Variants in ISM1 observed in about 807,000 individuals in gnomAD.
The protein encoded by ISM1 is isthmin-1.
ISM1 carries 25 observed loss-of-function variants against 46.3 expected under a neutral mutation model. The ratio of observed to expected loss-of-function variants is 0.54; its 90% confidence interval spans 0.39 to 0.75. ISM1 has a LOEUF of 0.75. Ranked by LOEUF, ISM1 falls within the 30% of genes least tolerant of loss-of-function variation. ISM1 has a pLI of 0.00. For synonymous variants in ISM1, 255 were observed against 256.7 expected (o/e 0.99, Z 0.06); for missense variants, 536 against 625.4 (o/e 0.86, Z 1.52).
chr20:13,233,613 AAGG>A (rs911937184), intron 1 of ISM1, among the ~76,000 whole-genome samples: 1 of 151,676 alleles, frequency 6.6e-6, no homozygotes, highest in Non-Finnish European at 1.5e-5. Flanking sequence ...AAAAAAAAAA[AAGG>A]AGATCCCATT....
intron 5 of ISM1, among the ~76,000 whole-genome samples, chr20:13,297,038 C>CA (rs141217767): frequency 9.3e-5 from 14 of 150,114 alleles, no homozygotes; most frequent in Middle Eastern, 3.4e-3. Context: ...CACCCCCCGC[C>CA]AAAAAAAAAG....
At chr20:13,264,087 A>G (rs1461532915) in intron 1 of ISM1, among the ~76,000 whole-genome samples, 1 of 152,208 alleles carries the variant, frequency 6.6e-6, no homozygotes, top group African/African-American at 2.4e-5. Flanking sequence ...TTTAGCCATC[A>G]TTATCATCAA....
intron 4 of ISM1, 21 bp downstream of exon 4, chr20:13,288,704 A>C (rs751882225): frequency 6.3e-7 from 1 of 1,598,224 alleles, no homozygotes; most frequent in South Asian, 1.1e-5. Flanking sequence ...CTGAGTGTGT[A>C]GCTCCAAGTT....
At chr20:13,307,577 G>GC in the ISM1 span, among the ~76,000 whole-genome samples, 1 of 152,054 alleles carries the variant, frequency 6.6e-6, no homozygotes, top group South Asian at 2.1e-4. Context: ...GCACTCCCAT[G>GC]CCCCCGTCCA....
chr20:13,288,467 A>G (rs948290517), intron 3 of ISM1, 73 bp from the exon 4 acceptor site: 7 of 1,494,172 alleles, frequency 4.7e-6, no homozygotes, highest in African/African-American at 2.8e-5. Context: ...TGAATAATTG[A>G]CAGGCTGCTT....
At chr20:13,297,206 C>T (rs2123333485) in intron 5 of ISM1, among the ~76,000 whole-genome samples, 1 of 152,204 alleles carries the variant, frequency 6.6e-6, no homozygotes, top group South Asian at 2.1e-4. Context: ...AGCTGTTTTC[C>T]AGAATGCAGA....
intron 1 of ISM1, among the ~76,000 whole-genome samples, chr20:13,240,981 G>A (rs1453380141): frequency 6.6e-6 from 1 of 152,196 alleles, no homozygotes; most frequent in Non-Finnish European, 1.5e-5. Flanking sequence ...AAGTGGACAG[G>A]GAGCTGAGAG....
At chr20:13,268,221 T>C (rs1310017632) in intron 1 of ISM1, among the ~76,000 whole-genome samples, 2 of 150,458 alleles carry the variant, frequency 1.3e-5, no homozygotes, top group South Asian at 2.1e-4. Context: ...GCTCCTTCTC[T>C]TTCTCTCTTC....
chr20:13,320,598 T>A, the ISM1 span, among the ~76,000 whole-genome samples: 4 of 152,132 alleles, frequency 2.6e-5, no homozygotes, highest in Admixed American at 1.3e-4. Context: ...AAAAACAAAG[T>A]AACCATGGCT....
intron 1 of ISM1, among the ~76,000 whole-genome samples, chr20:13,257,022 A>T (rs1168050432): frequency 6.6e-6 from 1 of 152,216 alleles, no homozygotes; most frequent in Non-Finnish European, 1.5e-5. Context: ...GAAAAGTCTA[A>T]TGAGAGAAGA....
At chr20:13,227,475 T>C (rs1292026530) in intron 1 of ISM1, among the ~76,000 whole-genome samples, 1 of 149,510 alleles carries the variant, frequency 6.7e-6, no homozygotes, top group African/African-American at 2.5e-5. Context: ...AGTGCTGGGA[T>C]TACAGGTGTG....
intron 1 of ISM1, among the ~76,000 whole-genome samples, chr20:13,255,412 G>A (rs1039936703): frequency 1.3e-5 from 2 of 151,960 alleles, no homozygotes; most frequent in East Asian, 3.8e-4. Context: ...CCAGAAACTG[G>A]ACAAAAATAA....
intron 2 of ISM1, among the ~76,000 whole-genome samples, chr20:13,273,220 A>ATTTTAT (rs2040136171): frequency 6.9e-6 from 1 of 145,200 alleles, no homozygotes. Context: ...GGTCTTTTTT[A>ATTTTAT]TTTTATTTTA....
intron 1 of ISM1, among the ~76,000 whole-genome samples, chr20:13,228,352 TATTA>T (rs200528808): frequency 0.025 from 3,791 of 152,296 alleles, 139 homozygotes; most frequent in African/African-American, 0.082. Flanking sequence ...AGAGAGAATT[TATTA>T]ATTATAAACT....
At chr20:13,298,071 T>G (rs976913535) in intron 5 of ISM1, among the ~76,000 whole-genome samples, 2 of 152,066 alleles carry the variant, frequency 1.3e-5, no homozygotes, top group African/African-American at 2.4e-5. Context: ...CATCACTTAT[T>G]TCTTTATATT....
the ISM1 span, among the ~76,000 whole-genome samples, chr20:13,319,087 C>T: frequency 2.6e-5 from 4 of 152,032 alleles, no homozygotes; most frequent in East Asian, 3.9e-4. Context: ...TGGAAGATGT[C>T]GATAGTCAGA....
At chr20:13,236,955 C>A (rs1396619863) in intron 1 of ISM1, among the ~76,000 whole-genome samples, 1 of 152,188 alleles carries the variant, frequency 6.6e-6, no homozygotes, top group Non-Finnish European at 1.5e-5. Context: ...GCACATGGTG[C>A]AAGCTGTCGG....
intron 1 of ISM1, among the ~76,000 whole-genome samples, chr20:13,241,484 T>G (rs1406216164): frequency 6.6e-6 from 1 of 152,114 alleles, no homozygotes; most frequent in Non-Finnish European, 1.5e-5. Context: ...GGGCTATGTG[T>G]GAGCATTGGC....
intron 1 of ISM1, among the ~76,000 whole-genome samples, chr20:13,235,044 T>A (rs187524671): frequency 7.2e-5 from 11 of 152,214 alleles, no homozygotes; most frequent in African/African-American, 2.4e-4. Context: ...TCCTGTGTTA[T>A]CCAGCTATTG....
Sources: gnomAD v4.1 joint callset for allele counts (sites outside exome capture counted in the v4.1 genomes callset) on GRCh38, gnomAD v4.1.1 for gene constraint, MANE v1.5 for transcripts, NCBI Gene and HGNC (gene_info 2026-07-23, HGNC 2026-07-21) for gene names.